The following RRP15 variants were observed in gnomAD, a reference collection of about 807,000 sequenced individuals.
RRP15 encodes RRP15-like protein.
A neutral mutation model predicts 27.1 loss-of-function variants in RRP15; 18 were observed. The observed-to-expected ratio is 0.66, with a 90% CI of 0.46 to 0.98. The LOEUF is 0.98. Ranked by LOEUF, RRP15 falls within the 50% of genes least tolerant of loss-of-function variation. The probability of loss-of-function intolerance (pLI) is 0.00; values close to 1 mark genes in which losing one functional copy is unlikely to be tolerated. For synonymous variants in RRP15, 107 were observed against 109.4 expected (o/e 0.98, Z 0.14); for missense variants, 359 against 337.8 (o/e 1.06, Z -0.49).
chr1:218,306,161 A>G (rs1262812161), intron 3 of RRP15, among the ~76,000 whole-genome samples: 3 of 152,142 alleles, frequency 2.0e-5, no homozygotes, highest in Non-Finnish European at 4.4e-5. Flanking sequence ...TTATAAGCTC[A>G]TAAGCTAGCC....
Position 218,330,985 on chromosome 1 carries a change from T to A in RRP15, c.743T>A (p.Ile248Asn), listed in dbSNP as rs1234773215. The A allele has an allele frequency of 2.1e-5, 34 of 1,613,486 alleles. No individual in the cohort carries two copies. Among genetic ancestry groups the A allele is most frequent in the Non-Finnish European group, 2.8e-5 (33 of 1,179,620 alleles). ...VKSEEGPGWT[I>N]LRDDFMMGAS... ...TCAGAAGAAGGCCCAGGTTGGACGATCCTACGTGATGATTTCATGATGGGA... is the reference window on the plus strand; with the variant it reads ...TCAGAAGAAGGCCCAGGTTGGACGAACCTACGTGATGATTTCATGATGGGA... Residue 248 changes from isoleucine (I) to asparagine (N), a missense_variant, in exon 5 of 5, where the codon ATC becomes AAC. Coordinates refer to ENST00000366932, the MANE Select transcript of RRP15 (RefSeq NM_016052.4).
At chr1:218,319,427 T>C (rs1656142887) in intron 4 of RRP15, among the ~76,000 whole-genome samples, 1 of 152,132 alleles carries the variant, frequency 6.6e-6, no homozygotes, top group African/African-American at 2.4e-5. Context: ...AGTCAATGAG[T>C]GTCATTATAC....
At chr1:218,292,802 T>C (rs954748661) in intron 1 of RRP15, among the ~76,000 whole-genome samples, 4 of 152,210 alleles carry the variant, frequency 2.6e-5, no homozygotes, top group South Asian at 2.1e-4. Flanking sequence ...TCTGAACTAG[T>C]TTCTGGAATA....
At chr1:218,305,503 T>C (rs1050242352) in intron 3 of RRP15, among the ~76,000 whole-genome samples, 3 of 152,220 alleles carry the variant, frequency 2.0e-5, no homozygotes, top group Admixed American at 1.3e-4. Context: ...TCATGCTATC[T>C]TTTTACTCTG....
chr1:218,308,074 T>C (rs1168073267), intron 4 of RRP15, among the ~76,000 whole-genome samples: 6 of 130,062 alleles, frequency 4.6e-5, no homozygotes, highest in East Asian at 2.3e-4. Context: ...TTTTTTTTTT[T>C]TTTTTTTTTT....
chr1:218,302,610 C>T, intron 2 of RRP15, 51 bp downstream of exon 2: 1 of 1,569,452 alleles, frequency 6.4e-7, no homozygotes, highest in East Asian at 2.2e-5. Context: ...TAGGCTAGCT[C>T]TTATCTTGAC....
chr1:218,333,328 T>G lies in RRP15; in HGVS notation c.*2237T>G, dbSNP rs1178397479. On this transcript the variant is annotated 3_prime_UTR_variant, in exon 5 of 5. Transcript: ENST00000366932. ...AAGCAAAATACCATATGTATAAATA[T>G]GAAACCAGGAATGTGCATATTTTAG... The G allele has an allele frequency of 1.3e-5, 2 of 152,238 alleles. No homozygotes were observed. The highest frequency in any genetic ancestry group is 6.5e-5 in the Admixed American group (1 of 15,276). 9.4% of individuals were successfully genotyped at this position (152,238 alleles called of 1,614,324 possible). A position where few individuals can be genotyped will look rare whatever the true frequency, so the allele number is the denominator to read the frequency against.
At chr1:218,295,350 A>T (rs867739085) in intron 1 of RRP15, among the ~76,000 whole-genome samples, 6 of 152,168 alleles carry the variant, frequency 3.9e-5, no homozygotes, top group Middle Eastern at 3.4e-3. Flanking sequence ...AACCCAGGTT[A>T]AAAAAAAGAA....
rs759297754 is a variant in RRP15 at position 218,285,335 on chromosome 1, G to C, written c.19G>C (p.Asp7His). The part of the protein sequence containing the change: MAAAAP[D>H]SRVSEEENLK... ...CAGAAAAATGGCAGCCGCCGCTCCG[G>C]ACTCACGTGTGAGTGAGGAAGAAAA... is the stretch of plus-strand genomic sequence containing the variant. Residue 7 changes from aspartate (D) to histidine (H), a missense_variant, in exon 1 of 5, where the codon GAC becomes CAC. Transcript: ENST00000366932. The C allele has an allele frequency of 2.5e-5, 40 of 1,613,950 alleles. No individual in the cohort carries two copies. In the African/African-American group the frequency reaches 5.3e-4, roughly 22 times the overall value.
intron 4 of RRP15, among the ~76,000 whole-genome samples, chr1:218,314,785 GATCGAAACCATCCTGGCCAAC>G (rs1017390204): frequency 6.6e-6 from 1 of 151,944 alleles, no homozygotes; most frequent in Non-Finnish European, 1.5e-5. Context: ...AAGGTCAGGA[GATCGAAACCATCCTGGCCAAC>G]ATGGTGAAAC....
At chr1:218,329,237 CAAAAAAAAAAAAAAAAAA>C (rs1164512474) in intron 4 of RRP15, among the ~76,000 whole-genome samples, 15 of 53,558 alleles carry the variant, frequency 2.8e-4, no homozygotes, top group South Asian at 1.4e-3. Context: ...CCTGTCTCTA[CAAAAAAAAAAAAAAAAAA>C]AAAAAAAAAA....
At chr1:218,310,538 GC>G (rs1296043975) in intron 4 of RRP15, among the ~76,000 whole-genome samples, 7 of 152,070 alleles carry the variant, frequency 4.6e-5, no homozygotes, top group Non-Finnish European at 1.0e-4. Context: ...TATACATTGA[GC>G]CCATTATAGT....
At chr1:218,317,297 C>T (rs371097396) in intron 4 of RRP15, among the ~76,000 whole-genome samples, 14 of 152,166 alleles carry the variant, frequency 9.2e-5, no homozygotes, top group African/African-American at 9.7e-5. Flanking sequence ...GATGTTTTTA[C>T]GTAATTCCAC....
chr1:218,301,880 G>A (rs753969860), intron 1 of RRP15: 85 of 157,208 alleles, frequency 5.4e-4, no homozygotes, highest in Non-Finnish European at 9.3e-4. Context: ...TCTTATTAAA[G>A]TTTTCTGTTA....
intron 4 of RRP15, among the ~76,000 whole-genome samples, chr1:218,318,910 G>A (rs1656132607): frequency 6.6e-6 from 1 of 151,978 alleles, no homozygotes; most frequent in Admixed American, 6.6e-5. Context: ...TTACAGAATG[G>A]TGATTTTCTC....
Position 218,335,014 on chromosome 1 carries a change from G to A in RRP15, c.*3923G>A, listed in dbSNP as rs1045757723. ...ATAGATTTAGAAGTAGAATGTTTGA[G>A]GTGGTTGACAAGACATTTAGAATTG... On this transcript the variant is annotated 3_prime_UTR_variant, in exon 5 of 5. Transcript: ENST00000366932. 6 of 152,154 alleles carry A rather than the reference G, an allele frequency of 3.9e-5. No individual in the cohort carries two copies. Among genetic ancestry groups the A allele is most frequent in the Admixed American group, 3.3e-4 (5 of 15,284 alleles). The allele number at this position is 152,154 out of a possible 1,614,324, so 9.4% of individuals were successfully genotyped here.
In RRP15 at chr1:218,332,279, G is replaced by A. The variant is rs1230541328; in HGVS notation, c.*1188G>A. ...CAGCAGAATATTGCATCCAATTTGA[G>A]ACTTGATTCCATATTATTGCCTTAA... On this transcript the variant is annotated 3_prime_UTR_variant, in exon 5 of 5. Coordinates refer to ENST00000366932, the MANE Select transcript of RRP15 (RefSeq NM_016052.4). 1 of 152,120 alleles carries A rather than the reference G, an allele frequency of 6.6e-6. No individual in the cohort carries two copies. The highest frequency in any genetic ancestry group is 1.5e-5 in the Non-Finnish European group (1 of 68,032). 9.4% of individuals were successfully genotyped at this position (152,120 alleles called of 1,614,324 possible).
At chr1:218,308,192 C>T (rs527955778) in intron 4 of RRP15, among the ~76,000 whole-genome samples, 2 of 150,690 alleles carry the variant, frequency 1.3e-5, no homozygotes, top group East Asian at 2.0e-4. Flanking sequence ...TTGCCTCAGC[C>T]TCCTGAGTAG....
At chr1:218,288,072 A>G (rs757302231) in intron 1 of RRP15, among the ~76,000 whole-genome samples, 1 of 152,222 alleles carries the variant, frequency 6.6e-6, no homozygotes, top group Non-Finnish European at 1.5e-5. Context: ...ACAATGGTTA[A>G]AAGTAGATTA....
Sources: gnomAD v4.1 joint callset for allele counts (sites outside exome capture counted in the v4.1 genomes callset) on GRCh38, gnomAD v4.1.1 for gene constraint, MANE v1.5 for transcripts, NCBI Gene and HGNC (gene_info 2026-07-23, HGNC 2026-07-21) for gene names.